The following DLGAP2 variants were observed in gnomAD, a reference collection of about 807,000 sequenced individuals.
DLGAP2 encodes disks large-associated protein 2.
Under a neutral mutation model 100.3 loss-of-function variants are expected in DLGAP2, and 26 were observed. The ratio of observed to expected loss-of-function variants is 0.26; its 90% CI spans 0.19 to 0.36. The LOEUF is 0.36. Ranked by LOEUF, DLGAP2 falls within the 10% of genes least tolerant of loss-of-function variation. The pLI is 1.00. For synonymous variants in DLGAP2, 886 were observed against 630.1 expected (o/e 1.41, Z -6.08); for missense variants, 1,858 against 1,453.2 (o/e 1.28, Z -4.53).
At chr8:1,206,004 G>A (rs571000518) in intron 2 of DLGAP2, among the ~76,000 whole-genome samples, 4 of 152,304 alleles carry the variant, frequency 2.6e-5, no homozygotes, top group Admixed American at 6.5e-5. Flanking sequence ...CAAAAGTGAA[G>A]AGTGACCTTG....
chr8:903,635 A>T (rs1798308378), intron 1 of DLGAP2, among the ~76,000 whole-genome samples: 1 of 152,050 alleles, frequency 6.6e-6, no homozygotes, highest in Admixed American at 6.5e-5. Flanking sequence ...GGCCACTGAG[A>T]CCAAGAGCTT....
chr8:1,618,625 C>T lies in DLGAP2; in HGVS notation c.1443-8115C>T, dbSNP rs114489054. On this transcript the variant is annotated intron_variant, in intron 6 of 14. Coordinates refer to ENST00000637795, the MANE Select transcript of DLGAP2 (RefSeq NM_001346810.2). ...GATAAAAAAGAACACAGTTGGAGGA[C>T]TCACGCTATCTGATTTCAAGACTTG... Among the ~76,000 whole-genome samples, 1,484 of 152,340 alleles carry T rather than the reference C, an allele frequency of 9.7e-3. 21 individuals carry two copies. The highest frequency in any genetic ancestry group is 0.032 in the African/African-American group (1,328 of 41,578).
intron 3 of DLGAP2, among the ~76,000 whole-genome samples, chr8:1,356,174 G>A (rs1328498043): frequency 2.6e-5 from 4 of 152,174 alleles, no homozygotes; most frequent in African/African-American, 9.6e-5. Context: ...CCCTGTGGTT[G>A]ATGCTGCTCT....
At chr8:857,760 C>A (rs748713917) in intron 1 of DLGAP2, among the ~76,000 whole-genome samples, 1 of 152,160 alleles carries the variant, frequency 6.6e-6, no homozygotes, top group African/African-American at 2.4e-5. Flanking sequence ...CACTGAAGAC[C>A]GCTAGGTGGT....
chr8:1,178,525 A>G (rs764890310), intron 2 of DLGAP2, among the ~76,000 whole-genome samples: 3 of 152,198 alleles, frequency 2.0e-5, no homozygotes, highest in Non-Finnish European at 4.4e-5. Flanking sequence ...CAAACACAGC[A>G]CTTGGTTTCA....
intron 1 of DLGAP2, among the ~76,000 whole-genome samples, chr8:770,812 C>T (rs1821336722): frequency 6.6e-6 from 1 of 151,992 alleles, no homozygotes; most frequent in South Asian, 2.1e-4. Context: ...TTCTGTTGTC[C>T]TTGATAAGAC....
rs1211057076 is a variant in DLGAP2, at chr8:1,652,005, G to C, written c.1811-16324G>C. Among the ~76,000 whole-genome samples the C allele has an allele frequency of 2.0e-5, 3 of 152,218 alleles. No homozygotes were observed. In the East Asian group the frequency reaches 5.8e-4, roughly 29 times the overall value. On this transcript the variant is annotated intron_variant, in intron 8 of 14. Coordinates refer to ENST00000637795, the MANE Select transcript of DLGAP2 (RefSeq NM_001346810.2). ...GCACCTACACAGCTCGTTTCTGCAA[G>C]CCCCACTTGCCCAGTGAGGCTTTCT... is the stretch of plus-strand genomic sequence containing the variant.
chr8:1,141,833 G>A (rs1372499139), intron 2 of DLGAP2, among the ~76,000 whole-genome samples: 2 of 152,034 alleles, frequency 1.3e-5, no homozygotes, highest in African/African-American at 4.8e-5. Flanking sequence ...ACAAAAGCTT[G>A]ATGCTTATGT....
chr8:948,343 A>G lies in DLGAP2; in HGVS notation c.73+40377A>G, dbSNP rs537331902. On this transcript the variant is annotated intron_variant, in intron 2 of 14. Transcript: ENST00000637795. Reference sequence around the variant, plus strand: ...TCGCCTGCGGGCGTGAGGTCCGTGCAGAGGAAGGAAGAAAGAGGAAGTAAG... The same window carrying G: ...TCGCCTGCGGGCGTGAGGTCCGTGCGGAGGAAGGAAGAAAGAGGAAGTAAG... Among the ~76,000 whole-genome samples the G allele has an allele frequency of 3.1e-3, 472 of 152,290 alleles. 6 individuals carry two copies. Among genetic ancestry groups the G allele is most frequent in the Non-Finnish European group, 5.9e-3 (402 of 68,012 alleles).
At chr8:1,342,400 A>G (rs1801437411) in intron 3 of DLGAP2, among the ~76,000 whole-genome samples, 1 of 152,182 alleles carries the variant, frequency 6.6e-6, no homozygotes, top group South Asian at 2.1e-4. Flanking sequence ...ATTTTAAGTT[A>G]CATGTAATAC....
chr8:850,515 C>T (rs1797165652), intron 1 of DLGAP2, among the ~76,000 whole-genome samples: 2 of 152,084 alleles, frequency 1.3e-5, no homozygotes, highest in South Asian at 4.1e-4. Flanking sequence ...AATAGGGAAA[C>T]ACTTCTTTTC....
At chr8:796,107 GCTGTCCAGTGAGA>G in intron 1 of DLGAP2, among the ~76,000 whole-genome samples, 1 of 150,276 alleles carries the variant, frequency 6.7e-6, no homozygotes, top group South Asian at 2.1e-4. Context: ...AGTGAGAGCA[GCTGTCCAGTGAGA>G]GCAGCTGTCC....
chr8:1,308,707 T>A (rs1002436948), intron 3 of DLGAP2, among the ~76,000 whole-genome samples: 4 of 152,192 alleles, frequency 2.6e-5, no homozygotes, highest in Admixed American at 6.5e-5. Context: ...GCATTTTTAA[T>A]AGAAATTAGG....
intron 2 of DLGAP2, among the ~76,000 whole-genome samples, chr8:1,070,197 C>T (rs918526790): frequency 2.0e-5 from 3 of 152,130 alleles, no homozygotes; most frequent in African/African-American, 7.2e-5. Context: ...CTCGGCGAGT[C>T]CTTTCTTGCC....
intron 6 of DLGAP2, among the ~76,000 whole-genome samples, chr8:1,575,455 T>TTTATTATTATTATTG (rs1802926371): frequency 7.1e-6 from 1 of 141,202 alleles, no homozygotes; most frequent in Non-Finnish European, 1.5e-5. Flanking sequence ...GAGGATATTC[T>TTTATTATTATTATTG]TTATTATTAT....
chr8:1,606,599 C>G (rs1404571317), intron 6 of DLGAP2, among the ~76,000 whole-genome samples: 1 of 152,100 alleles, frequency 6.6e-6, no homozygotes, highest in African/African-American at 2.4e-5. Context: ...ATGGATAGAC[C>G]ACAGTTTATT....
chr8:832,281 C>T (rs1796797845), intron 1 of DLGAP2, among the ~76,000 whole-genome samples: 1 of 152,190 alleles, frequency 6.6e-6, no homozygotes, highest in East Asian at 1.9e-4. Context: ...GTCATGACGT[C>T]CTTGCCCATG....
At chr8:1,673,993 C>T (rs936844013) in intron 10 of DLGAP2, among the ~76,000 whole-genome samples, 1 of 152,168 alleles carries the variant, frequency 6.6e-6, no homozygotes, top group African/African-American at 2.4e-5. Context: ...TCCATGGCAC[C>T]TGTCAACCTG....
chr8:908,835 G>A (rs1584881679), intron 2 of DLGAP2, among the ~76,000 whole-genome samples: 1 of 152,148 alleles, frequency 6.6e-6, no homozygotes, highest in Admixed American at 6.5e-5. Context: ...TTTTAGTTGG[G>A]TATGAAACAG....
Sources: gnomAD v4.1 joint callset for allele counts (sites outside exome capture counted in the v4.1 genomes callset) on GRCh38, gnomAD v4.1.1 for gene constraint, MANE v1.5 for transcripts, NCBI Gene and HGNC (gene_info 2026-07-23, HGNC 2026-07-21) for gene names.